The following NALCN variants were observed in gnomAD, a reference collection of about 807,000 sequenced individuals.
NALCN encodes sodium leak channel, non-selective, also known as sodium leak channel NALCN.
A neutral mutation model predicts 225.3 loss-of-function variants in NALCN; 111 were observed. The observed-to-expected ratio is 0.49, with a 90% CI of 0.42 to 0.58. The LOEUF (loss-of-function observed/expected upper bound fraction) is 0.58, where lower values mean the gene tolerates loss of function less well. NALCN is among the 20% of genes least tolerant of loss of function. The pLI is 0.00. For missense variants in NALCN, 1,378 were observed against 2,202.4 expected, an observed-to-expected ratio of 0.63 and a Z score of 7.49; for synonymous variants, 764 against 769.0, an observed-to-expected ratio of 0.99 and a Z score of 0.11.
Position 101,399,098 on chromosome 13 carries a change from A to G in NALCN, c.29T>C (p.Val10Ala). MLKRKQSSR[V>A]EAQPVTDFGP... ...AAAGTCAGTGACTGGCTGGGCTTCC[A>G]CCCTGGAACTCTGCTTCCTTTTGAG... is the stretch of plus-strand genomic sequence containing the variant. Residue 10 changes from valine (V) to alanine (A), a missense_variant, in exon 2 of 44, where the codon GTG (valine) becomes GCG (alanine). This residue lies in a region of NALCN where 146 missense variants were observed against 205.9 expected (regional missense o/e 0.71). Transcript: ENST00000251127. 1 of 1,613,498 alleles carries G rather than the reference A, an allele frequency of 6.2e-7. No individual in the cohort carries two copies. Among genetic ancestry groups the G allele is most frequent in the Non-Finnish European group, 8.5e-7 (1 of 1,179,576 alleles).
chr13:101,216,686 T>A (rs1310181123), intron 13 of NALCN, among the ~76,000 whole-genome samples: 2 of 152,260 alleles, frequency 1.3e-5, no homozygotes, highest in Middle Eastern at 3.4e-3. Flanking sequence ...ACAAATAATT[T>A]AAAAAATTAA....
intron 2 of NALCN, among the ~76,000 whole-genome samples, chr13:101,396,387 T>C (rs1321985704): frequency 6.6e-6 from 1 of 152,118 alleles, no homozygotes; most frequent in Non-Finnish European, 1.5e-5. Context: ...CTGGGACATA[T>C]ATGAAATTAT....
intron 12 of NALCN, among the ~76,000 whole-genome samples, chr13:101,235,903 A>G (rs2041536890): frequency 6.6e-6 from 1 of 152,200 alleles, no homozygotes; most frequent in Admixed American, 6.5e-5. Context: ...TCTGAAAATA[A>G]TATTTTGGTA....
intron 7 of NALCN, among the ~76,000 whole-genome samples, chr13:101,296,184 T>C (rs1210534462): frequency 6.6e-6 from 1 of 152,136 alleles, no homozygotes; most frequent in Non-Finnish European, 1.5e-5. Context: ...ACCTTGTTTG[T>C]TTCCCTCAGT....
intron 39 of NALCN, among the ~76,000 whole-genome samples, chr13:101,066,141 C>T (rs1245288461): frequency 6.6e-6 from 1 of 151,954 alleles, no homozygotes. Flanking sequence ...GCCTGGCCAG[C>T]ATGATGAAGC....
rs760886280 is a variant in NALCN at position 101,059,901 on chromosome 13, A to G, written c.4822T>C (p.Phe1608Leu). 2 of 1,613,868 alleles carry G rather than the reference A, an allele frequency of 1.2e-6. No individual in the cohort carries two copies. The highest frequency in any genetic ancestry group is 2.7e-5 in the African/African-American group (2 of 74,860). The change falls in exon 42 of 44, where the codon TTT becomes CTT. Residue 1608 changes from phenylalanine to leucine, a missense_variant. Transcript: ENST00000251127. Reference sequence around the variant, plus strand: ...GTCTCGATGCTGGGCGGGTTCAGAAACCGGCTCAGCTCTTGCTGCTGACTC... The same window carrying G: ...GTCTCGATGCTGGGCGGGTTCAGAAGCCGGCTCAGCTCTTGCTGCTGACTC... ...RESQQQELSR[F>L]LNPPSIETTQ...
chr13:101,176,631 G>T (rs1381950881), intron 14 of NALCN, among the ~76,000 whole-genome samples: 5 of 152,072 alleles, frequency 3.3e-5, no homozygotes, highest in African/African-American at 4.8e-5. Context: ...TAAGAAAAAG[G>T]TTTTTTTGAA....
At chr13:101,390,864 T>G (rs2047122850) in intron 3 of NALCN, among the ~76,000 whole-genome samples, 1 of 137,726 alleles carries the variant, frequency 7.3e-6, no homozygotes, top group South Asian at 2.2e-4. Flanking sequence ...AACTAATAAA[T>G]GCACTTGGAC....
At chr13:101,357,605 C>T (rs754315871) in intron 6 of NALCN, among the ~76,000 whole-genome samples, 2 of 152,132 alleles carry the variant, frequency 1.3e-5, no homozygotes, top group African/African-American at 2.4e-5. Context: ...AATGGCCATA[C>T]TGCCCAAAAT....
upstream of NALCN, among the ~76,000 whole-genome samples, chr13:101,416,724 A>G (rs9518395): frequency 6.6e-6 from 1 of 151,784 alleles, no homozygotes; most frequent in African/African-American, 2.4e-5. Flanking sequence ...TGCCACCCGC[A>G]GTCAGTCTCA....
intron 3 of NALCN, among the ~76,000 whole-genome samples, chr13:101,393,345 C>T (rs72654884): frequency 0.038 from 5,708 of 152,178 alleles, 150 homozygotes; most frequent in Admixed American, 0.073. Context: ...AGCACCTGTG[C>T]GCATTGCTGG....
chr13:101,082,991 C>G, intron 32 of NALCN, 101 bp downstream of exon 32: 1 of 1,552,056 alleles, frequency 6.4e-7, no homozygotes, highest in African/African-American at 1.4e-5. Context: ...ATTTTTACAC[C>G]CAAGAACATA....
intron 1 of NALCN, among the ~76,000 whole-genome samples, chr13:101,416,010 C>T (rs1252501209): frequency 6.6e-6 from 1 of 152,104 alleles, no homozygotes; most frequent in Non-Finnish European, 1.5e-5. Flanking sequence ...GGGCATCCCG[C>T]GGCAGGCGCC....
rs530028899 is a variant in NALCN at position 101,338,500 on chromosome 13, T to C, written c.799+6766A>G. On this transcript the variant is annotated intron_variant, in intron 7 of 43. Coordinates refer to ENST00000251127, the MANE Select transcript of NALCN (RefSeq NM_052867.4). ...AACTGAACATTTTTTATTTTTTACC[T>C]GACTGTACAATGAATGAAGGGTTCA... Among the ~76,000 whole-genome samples, 4 of 152,348 alleles carry C rather than the reference T, an allele frequency of 2.6e-5. No homozygotes were observed. In the South Asian group the frequency reaches 6.2e-4, roughly 24 times the overall value.
intron 17 of NALCN, among the ~76,000 whole-genome samples, chr13:101,136,314 A>ATTTATTTATTTATTTATT (rs61142230): frequency 0.068 from 5,053 of 74,146 alleles, 175 homozygotes; most frequent in South Asian, 0.11. Flanking sequence ...TTATTTATTT[A>ATTTATTTATTTATTTATT]TATATTATAC....
chr13:101,241,330 T>G (rs1173560245), intron 11 of NALCN, among the ~76,000 whole-genome samples: 1 of 152,232 alleles, frequency 6.6e-6, no homozygotes, highest in Non-Finnish European at 1.5e-5. Flanking sequence ...CCCCCTTAAA[T>G]CAACTTTTGG....
At position 101,065,577 on chromosome 13, in the gene NALCN, CAAG is replaced by C. The variant is rs2032310185; in HGVS notation, c.4447-19_4447-17del. 6.2e-7 allele frequency: 1 copy of C among 1,609,454 alleles called. No individual in the cohort carries two copies. The highest frequency in any genetic ancestry group is 8.5e-7 in the Non-Finnish European group (1 of 1,178,954). On this transcript the variant is annotated splice_polypyrimidine_tract_variant and intron_variant, in intron 39 of 43. Coordinates refer to ENST00000251127, the MANE Select transcript of NALCN (RefSeq NM_052867.4). ...GGATCACCCCCTGCGGGGCAGAGCA[CAAG>C]AAGTAGCAAATCATCAGGCCTCGAT... is the stretch of plus-strand genomic sequence containing the variant.
chr13:101,067,875 G>T, intron 39 of NALCN, 43 bp downstream of exon 39: 1 of 1,314,054 alleles, frequency 7.6e-7, no homozygotes, highest in Non-Finnish European at 1.1e-6. Flanking sequence ...ATGTTGATAA[G>T]TCTCTTTGAG....
chr13:101,267,253 T>C (rs969947434), intron 10 of NALCN, among the ~76,000 whole-genome samples: 8 of 152,190 alleles, frequency 5.3e-5, no homozygotes, highest in Non-Finnish European at 1.2e-4. Flanking sequence ...GTGGATGTTA[T>C]TTTTTTCAAT....
Sources: allele counts gnomAD v4.1 joint callset (sites outside exome capture counted in the v4.1 genomes callset), GRCh38; gene constraint gnomAD v4.1.1; regional missense constraint gnomAD v4.1.1; transcripts MANE v1.5; gene names NCBI Gene and HGNC (gene_info 2026-07-23, HGNC 2026-07-21).